INPP5D: variants seen among roughly 807,000 people sequenced by gnomAD.
INPP5D encodes inositol polyphosphate-5-phosphatase D.
A neutral mutation model predicts 122.9 loss-of-function variants in INPP5D; 33 were observed. The observed-to-expected ratio is 0.27, with a 90% CI of 0.20 to 0.36. The LOEUF (loss-of-function observed/expected upper bound fraction) is 0.36. Ranked by LOEUF, INPP5D falls within the 10% of genes least tolerant of loss-of-function variation. INPP5D has a pLI of 1.00. For missense variants in INPP5D, 1,053 were observed against 1,412.7 expected (o/e 0.75, Z 4.08); for synonymous variants, 584 against 576.2 (o/e 1.01, Z -0.19).
Position 233,206,577 on chromosome 2 carries a change from G to T in INPP5D, c.3568-129G>T. On this transcript the variant is annotated intron_variant, in intron 26 of 26. Coordinates refer to ENST00000445964, the MANE Select transcript of INPP5D (RefSeq NM_001017915.3). This position sits in a 1 kb window ranked among gnomAD's most constrained non-coding sequence, Gnocchi z 4.0. ...AGGTAAAGTACTTAGAGCAGTGAGT[G>T]CTGGCTCTTCTCAGCTACACGTTAA... is the stretch of plus-strand genomic sequence containing the variant. 1 of 648,998 alleles carries T rather than the reference G, an allele frequency of 1.5e-6. No homozygotes were observed. The highest frequency in any genetic ancestry group is 2.5e-5 in the Admixed American group (1 of 39,444). 40.2% of individuals were successfully genotyped at this position (648,998 alleles called of 1,614,324 possible). A position where few individuals can be genotyped will look rare whatever the true frequency, so the allele number is the denominator to read the frequency against.
At chr2:233,187,171 G>GA (rs1694943402) in intron 21 of INPP5D, among the ~76,000 whole-genome samples, 1 of 149,714 alleles carries the variant, frequency 6.7e-6, no homozygotes, top group African/African-American at 2.5e-5. Context: ...GTGATGCAGT[G>GA]AGACGCTGTC....
chr2:233,184,534 T>C lies in INPP5D; in HGVS notation c.2275+13T>C, dbSNP rs780627242. 36 of 1,613,766 alleles carry C rather than the reference T, an allele frequency of 2.2e-5. No individual in the cohort carries two copies. Among genetic ancestry groups the C allele is most frequent in the Non-Finnish European group, 3.1e-5 (36 of 1,179,824 alleles). On this transcript the variant is annotated intron_variant, in intron 20 of 26. Transcript: ENST00000445964. ...AGCTGCTTGGAGAGTAAGTGGCTGC[T>C]GAGCCACCTTCTGGGCAGAACTGCC...
chr2:233,066,904 A>C (rs1488306221), intron 1 of INPP5D, among the ~76,000 whole-genome samples: 1 of 152,104 alleles, frequency 6.6e-6, no homozygotes, highest in Non-Finnish European at 1.5e-5. Context: ...CAGCTTCCCA[A>C]ATAGCTGGGA....
chr2:233,171,326 G>A (rs1009286495), intron 17 of INPP5D, 174 bp downstream of exon 17: 2 of 932,506 alleles, frequency 2.1e-6, no homozygotes, highest in Non-Finnish European at 3.1e-6. Context: ...CCACACTTGT[G>A]CACTGCTTTG....
intron 22 of INPP5D, among the ~76,000 whole-genome samples, chr2:233,193,087 A>T (rs765347906): frequency 6.6e-6 from 1 of 152,130 alleles, no homozygotes; most frequent in Non-Finnish European, 1.5e-5. Context: ...GGGGGTTTCA[A>T]CATGTTGGCC....
intron 1 of INPP5D, among the ~76,000 whole-genome samples, chr2:233,073,916 T>C (rs1396939692): frequency 6.6e-6 from 1 of 152,216 alleles, no homozygotes; most frequent in Non-Finnish European, 1.5e-5. Flanking sequence ...TTGCTCATTT[T>C]TCACAATCAA....
intron 3 of INPP5D, among the ~76,000 whole-genome samples, chr2:233,125,510 C>A (rs1693129732): frequency 6.6e-6 from 1 of 152,230 alleles, no homozygotes; most frequent in Admixed American, 6.5e-5. Flanking sequence ...CTCCATGGAG[C>A]AAGGCCTTTT....
Position 233,163,782 on chromosome 2 carries a change from C to T in INPP5D, c.1316C>T (p.Ala439Val), listed in dbSNP as rs1694253232. The change falls in exon 12 of 27, where the codon GCG becomes GTG. Residue 439 changes from alanine (A) to valine (V), a missense_variant. This residue lies in a region of INPP5D where 105 missense variants were observed against 199.8 expected (regional missense o/e 0.53). Coordinates refer to ENST00000445964, the MANE Select transcript of INPP5D (RefSeq NM_001017915.3). ...KGQGKTRDDS[A>V]DYIPHDIYVI... ...CAGGGAAAGACGCGGGACGACTCTG[C>T]GGACTACATCCCCCATGACATTTAC... The T allele has an allele frequency of 2.5e-6, 4 of 1,613,960 alleles. No homozygotes were observed. The highest frequency in any genetic ancestry group is 3.4e-6 in the Non-Finnish European group (4 of 1,179,886).
At chr2:233,155,361 G>C (rs975675781) in intron 9 of INPP5D, among the ~76,000 whole-genome samples, 4 of 152,088 alleles carry the variant, frequency 2.6e-5, no homozygotes, top group African/African-American at 9.7e-5. Context: ...AGTGGCTCAC[G>C]CCTGTAATCC....
intron 2 of INPP5D, among the ~76,000 whole-genome samples, chr2:233,115,367 T>G (rs141026358): frequency 1.3e-5 from 2 of 152,296 alleles, no homozygotes; most frequent in Non-Finnish European, 2.9e-5. Flanking sequence ...GTGCTAAAGT[T>G]AAAATTACCC....
chr2:233,074,316 G>A (rs1175259669), intron 1 of INPP5D, among the ~76,000 whole-genome samples: 1 of 152,168 alleles, frequency 6.6e-6, no homozygotes, highest in Non-Finnish European at 1.5e-5. Context: ...TTGAGTAGCT[G>A]TCAGACGAGG....
At chr2:233,194,472 T>C (rs899985256) in intron 23 of INPP5D, among the ~76,000 whole-genome samples, 4 of 146,870 alleles carry the variant, frequency 2.7e-5, no homozygotes, top group African/African-American at 1.0e-4. Context: ...CCCAGGTTTC[T>C]GTACCTTCTA....
intron 3 of INPP5D, among the ~76,000 whole-genome samples, chr2:233,124,907 T>G (rs901353111): frequency 6.6e-6 from 1 of 152,240 alleles, no homozygotes; most frequent in African/African-American, 2.4e-5. Flanking sequence ...CCAGGGCCTC[T>G]TGAGGCACCG....
At chr2:233,148,196 G>A (rs1693819729) in intron 9 of INPP5D, among the ~76,000 whole-genome samples, 2 of 152,106 alleles carry the variant, frequency 1.3e-5, no homozygotes, top group South Asian at 4.1e-4. Flanking sequence ...AGGGCCAGCA[G>A]GGCAGATGAG....
chr2:233,098,821 A>G (rs1317473526), intron 2 of INPP5D, among the ~76,000 whole-genome samples: 1 of 152,228 alleles, frequency 6.6e-6, no homozygotes, highest in Admixed American at 6.5e-5. Flanking sequence ...TCTCACAGAC[A>G]GTGGCACCAG....
At position 233,207,093 on chromosome 2, in the gene INPP5D, A is replaced by G. The variant is rs14243; in HGVS notation, c.*385A>G. 42,335 of 191,728 alleles carry G rather than the reference A, an allele frequency of 0.22. 5,024 individuals carry two copies. Among genetic ancestry groups the G allele is most frequent in the East Asian group, 0.36 (2,362 of 6,552 alleles). The allele number at this position is 191,728 out of a possible 1,614,324, so 11.9% of individuals were successfully genotyped here. A position where few individuals can be genotyped will look rare whatever the true frequency, so the allele number is the denominator to read the frequency against. On this transcript the variant is annotated 3_prime_UTR_variant, in exon 27 of 27. Coordinates refer to ENST00000445964, the MANE Select transcript of INPP5D (RefSeq NM_001017915.3). This position sits in a 1 kb window ranked among gnomAD's most constrained non-coding sequence, Gnocchi z 4.6. Reference sequence around the variant, plus strand: ...TGGCCACATGGATCGAACACTCATGATGTGCCAAGTGCTGTGCTAAGTGCT... The same window carrying G: ...TGGCCACATGGATCGAACACTCATGGTGTGCCAAGTGCTGTGCTAAGTGCT...
intron 1 of INPP5D, among the ~76,000 whole-genome samples, chr2:233,063,399 C>T (rs766257877): frequency 2.2e-4 from 33 of 152,360 alleles, no homozygotes; most frequent in Non-Finnish European, 3.7e-4. Context: ...GGAGTCTCCA[C>T]CTGATGGTTT....
At position 233,183,688 on chromosome 2, in the gene INPP5D, G is replaced by A. The variant is rs1367752681; in HGVS notation, c.2162-720G>A. ...GCAGATGCTGGAAAACACTGATCAC[G>A]GGGATTGAGCATTGACAGGGCATCT... On this transcript the variant is annotated intron_variant, in intron 19 of 26. Coordinates refer to ENST00000445964, the MANE Select transcript of INPP5D (RefSeq NM_001017915.3). This position sits in a 1 kb window ranked among gnomAD's most constrained non-coding sequence, Gnocchi z 4.6. Among the ~76,000 whole-genome samples the A allele has an allele frequency of 8.5e-5, 13 of 152,308 alleles. No homozygotes were observed. In the East Asian group the frequency reaches 9.7e-4, roughly 11 times the overall value.
intron 2 of INPP5D, among the ~76,000 whole-genome samples, chr2:233,103,543 G>T (rs1244756311): frequency 1.3e-5 from 2 of 152,076 alleles, no homozygotes; most frequent in Non-Finnish European, 2.9e-5. Context: ...CAATCTTTCA[G>T]AGTCCAGGAG....
Sources: gnomAD v4.1 joint callset for allele counts (sites outside exome capture counted in the v4.1 genomes callset) on GRCh38, gnomAD v4.1.1 for gene constraint, gnomAD v4.1.1 regional missense constraint, Gnocchi (gnomAD v3.1) non-coding constraint, MANE v1.5 for transcripts, NCBI Gene and HGNC (gene_info 2026-07-23, HGNC 2026-07-21) for gene names.